CALN1: variants seen among roughly 807,000 people sequenced by gnomAD.
CALN1 encodes the protein calcium-binding protein 8.
CALN1 carries 17 observed loss-of-function variants against 30.6 expected under a neutral mutation model. The observed-to-expected ratio is 0.56, with a 90% CI of 0.38 to 0.83. The LOEUF is 0.83. Ranked by LOEUF, CALN1 falls within the 40% of genes least tolerant of loss-of-function variation. The pLI is 0.00. For synonymous variants in CALN1, 156 were observed against 131.4 expected, an observed-to-expected ratio of 1.19 and a Z score of -1.28; for missense variants, 291 against 354.9, an observed-to-expected ratio of 0.82 and a Z score of 1.45.
chr7:71,994,933 G>C (rs909249508), intron 5 of CALN1, among the ~76,000 whole-genome samples: 1 of 150,496 alleles, frequency 6.6e-6, no homozygotes, highest in Non-Finnish European at 1.5e-5. Context: ...GCTCACTGCA[G>C]GCTCCGCCTC....
At chr7:72,461,536 C>T in the CALN1 span, among the ~76,000 whole-genome samples, 3 of 152,260 alleles carry the variant, frequency 2.0e-5, no homozygotes, top group East Asian at 5.8e-4. Context: ...GCCATTATCC[C>T]AAGCAAATTA....
chr7:71,814,276 CCAT>C (rs1392098323), intron 5 of CALN1, among the ~76,000 whole-genome samples: 1 of 152,104 alleles, frequency 6.6e-6, no homozygotes, highest in Non-Finnish European at 1.5e-5. Context: ...TGGTCCACCA[CCAT>C]ATGTCAAGTG....
At chr7:72,353,301 T>C (rs556568860) in intron 2 of CALN1, among the ~76,000 whole-genome samples, 1 of 151,772 alleles carries the variant, frequency 6.6e-6, no homozygotes, top group South Asian at 2.1e-4. Flanking sequence ...AAACAGAAAA[T>C]GAAAATAAAT....
At chr7:71,949,955 G>A (rs1279937106) in intron 5 of CALN1, among the ~76,000 whole-genome samples, 1 of 151,958 alleles carries the variant, frequency 6.6e-6, no homozygotes, top group Non-Finnish European at 1.5e-5. Context: ...GTAGAGACGG[G>A]GTTTCACTGT....
At chr7:72,309,744 C>T (rs1196796968) in intron 2 of CALN1, among the ~76,000 whole-genome samples, 1 of 152,206 alleles carries the variant, frequency 6.6e-6, no homozygotes, top group African/African-American at 2.4e-5. Context: ...GACCACTTCC[C>T]ACATTCTGCT....
chr7:71,826,031 TCAA>T (rs1308158021), intron 5 of CALN1, among the ~76,000 whole-genome samples: 7 of 29,566 alleles, frequency 2.4e-4, no homozygotes, highest in African/African-American at 1.5e-3. Context: ...AGACTCTGTC[TCAA>T]AAAAAAAAAA....
At chr7:72,120,177 A>C (rs1026360175) in intron 3 of CALN1, among the ~76,000 whole-genome samples, 2 of 152,064 alleles carry the variant, frequency 1.3e-5, no homozygotes, top group Non-Finnish European at 2.9e-5. Context: ...ATGTCCCCAA[A>C]ATGTATATAG....
intron 2 of CALN1, among the ~76,000 whole-genome samples, chr7:72,322,390 T>A (rs1256463305): frequency 2.6e-5 from 4 of 152,250 alleles, no homozygotes; most frequent in Middle Eastern, 6.8e-3. Flanking sequence ...ACCGCTCACC[T>A]CCTTCTGGGT....
chr7:72,044,810 G>A (rs1266700913), intron 4 of CALN1, among the ~76,000 whole-genome samples: 1 of 151,540 alleles, frequency 6.6e-6, no homozygotes, highest in Non-Finnish European at 1.5e-5. Flanking sequence ...CGAAGAGATG[G>A]GGTCTCACTA....
intron 4 of CALN1, among the ~76,000 whole-genome samples, chr7:72,049,886 T>A (rs1368437765): frequency 1.3e-5 from 2 of 150,758 alleles, no homozygotes; most frequent in Non-Finnish European, 3.0e-5. Flanking sequence ...CTCGGCTCAC[T>A]GCAACCTCTG....
At chr7:72,161,741 G>C (rs1171607002) in intron 3 of CALN1, among the ~76,000 whole-genome samples, 1 of 151,938 alleles carries the variant, frequency 6.6e-6, no homozygotes, top group Non-Finnish European at 1.5e-5. Flanking sequence ...ACAGGGAGGG[G>C]AGCAACACAC....
At chr7:72,479,202 G>T in the CALN1 span, among the ~76,000 whole-genome samples, 2 of 152,138 alleles carry the variant, frequency 1.3e-5, no homozygotes, top group African/African-American at 2.4e-5. Context: ...CTTGGTTGAA[G>T]TGTGTGTACG....
chr7:71,933,604 C>T (rs1344187108), intron 5 of CALN1, among the ~76,000 whole-genome samples: 1 of 152,188 alleles, frequency 6.6e-6, no homozygotes, highest in East Asian at 1.9e-4. Flanking sequence ...CTCATCAAGT[C>T]ACAATTTTGT....
At chr7:72,258,908 AAAG>A (rs201815814) in intron 3 of CALN1, among the ~76,000 whole-genome samples, 3 of 148,278 alleles carry the variant, frequency 2.0e-5, no homozygotes, top group Non-Finnish European at 3.0e-5. Context: ...AAAAAAAAAA[AAAG>A]AAAGAAAGAA....
chr7:72,166,375 C>T lies in CALN1; in HGVS notation c.245-60081G>A, dbSNP rs534482834. On this transcript the variant is annotated intron_variant, in intron 3 of 6. Coordinates refer to ENST00000395275, the MANE Select transcript of CALN1 (RefSeq NM_031468.4). ...AGCCATCATGCCTATCACGGTCTTG[C>T]TGTGTCTTGCAACGGTGTTGCCCAG... Among the ~76,000 whole-genome samples, 3 of 152,222 alleles carry T rather than the reference C, an allele frequency of 2.0e-5. No individual in the cohort carries two copies. The South Asian group carries it at 6.2e-4, about 32-fold the overall frequency.
chr7:72,325,753 AG>A (rs1801230419), intron 2 of CALN1, among the ~76,000 whole-genome samples: 1 of 152,228 alleles, frequency 6.6e-6, no homozygotes, highest in African/African-American at 2.4e-5. Context: ...TGCTGAGGGC[AG>A]ATGATCTATT....
intron 3 of CALN1, among the ~76,000 whole-genome samples, chr7:72,259,213 A>G (rs967859341): frequency 2.0e-5 from 3 of 152,058 alleles, no homozygotes; most frequent in African/African-American, 7.2e-5. Flanking sequence ...CATGATTAAG[A>G]CTACTGGGCC....
intron 2 of CALN1, among the ~76,000 whole-genome samples, chr7:72,362,028 T>C (rs530171225): frequency 3.7e-4 from 56 of 152,250 alleles, no homozygotes; most frequent in African/African-American, 1.3e-3. Context: ...GGAGAGAAAA[T>C]TTCCTCATTA....
chr7:71,789,936 A>T (rs1793220393), intron 6 of CALN1, among the ~76,000 whole-genome samples: 1 of 147,764 alleles, frequency 6.8e-6, no homozygotes, highest in Non-Finnish European at 1.5e-5. Context: ...TCCCTACAAA[A>T]AATAATAAAA....
Sources: gnomAD v4.1 joint callset for allele counts (sites outside exome capture counted in the v4.1 genomes callset) on GRCh38, gnomAD v4.1.1 for gene constraint, MANE v1.5 for transcripts, NCBI Gene and HGNC (gene_info 2026-07-23, HGNC 2026-07-21) for gene names.